Variants in KCNAB1 observed in about 807,000 individuals in gnomAD.
The protein encoded by KCNAB1 is potassium voltage-gated channel subfamily A regulatory beta subunit 1.
KCNAB1 carries 35 observed loss-of-function variants against 64.6 expected under a neutral mutation model. That is an observed-to-expected ratio of 0.54 (90% CI 0.41 to 0.72). The LOEUF (loss-of-function observed/expected upper bound fraction) is 0.72, where lower values mean the gene tolerates loss of function less well. KCNAB1 is among the 30% of genes least tolerant of loss of function. KCNAB1 has a pLI of 0.00. For synonymous variants in KCNAB1, 177 were observed against 183.8 expected, an observed-to-expected ratio of 0.96 and a Z score of 0.30; for missense variants, 401 against 512.9, an observed-to-expected ratio of 0.78 and a Z score of 2.11.
intron 1 of KCNAB1, among the ~76,000 whole-genome samples, chr3:156,153,965 C>A (rs1036016373): frequency 3.3e-5 from 5 of 152,166 alleles, no homozygotes; most frequent in Non-Finnish European, 7.4e-5. Flanking sequence ...ATCCATTTAT[C>A]TATGAATTTA....
intron 1 of KCNAB1, chr3:156,176,247 G>T: frequency 1.2e-6 from 1 of 814,008 alleles, no homozygotes; most frequent in Non-Finnish European, 2.2e-6. Flanking sequence ...AGGTTAGTTT[G>T]TTCTGGCACA....
At chr3:156,187,213 T>A (rs1266638588) in intron 1 of KCNAB1, among the ~76,000 whole-genome samples, 1 of 152,170 alleles carries the variant, frequency 6.6e-6, no homozygotes, top group Non-Finnish European at 1.5e-5. Flanking sequence ...ACCCTCCACC[T>A]TGGTATTTCT....
rs11306363 is a variant in KCNAB1, at chr3:156,182,620, G to GT, written c.275+61743dup. Reference sequence around the variant, plus strand: ...ATTCTACTCCTTCTTTCCAGGGTTGGTTTTTTTTTCCCCCCCCCGGGTCTT... The same window carrying GT: ...ATTCTACTCCTTCTTTCCAGGGTTGGTTTTTTTTTTCCCCCCCCCGGGTCTT... On this transcript the variant is annotated intron_variant, in intron 1 of 13. Transcript: ENST00000490337. Among the ~76,000 whole-genome samples, 257 of 142,768 alleles carry GT rather than the reference G, an allele frequency of 1.8e-3. 1 individual carries two copies. The highest frequency in any genetic ancestry group is 6.5e-3 in the African/African-American group (247 of 38,178). The allele number at this position is 142,768 out of a possible 152,430, so 93.7% of individuals were successfully genotyped here.
At chr3:156,315,287 G>T (rs1180038084) in intron 1 of KCNAB1, among the ~76,000 whole-genome samples, 1 of 148,230 alleles carries the variant, frequency 6.7e-6, no homozygotes, top group Non-Finnish European at 1.5e-5. Context: ...CTATCTGTAA[G>T]CAGGGGTTGG....
chr3:156,186,023 C>T (rs546026881), intron 1 of KCNAB1, among the ~76,000 whole-genome samples: 27 of 152,318 alleles, frequency 1.8e-4, no homozygotes, highest in Middle Eastern at 3.4e-3. Context: ...TCTAAATATT[C>T]TCTTCTCTGC....
chr3:156,219,695 TTTATTATTATTATTA>T (rs139168632), intron 1 of KCNAB1, among the ~76,000 whole-genome samples: 163 of 146,598 alleles, frequency 1.1e-3, no homozygotes, highest in South Asian at 2.0e-3. Context: ...AAGGAATCTT[TTTATTATTATTATTA>T]TTATTATTAT....
At chr3:156,506,482 CTA>C (rs4057047) in intron 8 of KCNAB1, among the ~76,000 whole-genome samples, 36,469 of 152,054 alleles carry the variant, frequency 0.24, 4,832 homozygotes, top group South Asian at 0.35. Flanking sequence ...TTCAAACTGT[CTA>C]GAGTCAGGGA....
chr3:156,440,503 T>C (rs1003851890), intron 2 of KCNAB1, among the ~76,000 whole-genome samples: 1 of 152,240 alleles, frequency 6.6e-6, no homozygotes, highest in Non-Finnish European at 1.5e-5. Flanking sequence ...AATGACTCTG[T>C]AGAATTTGGA....
intron 1 of KCNAB1, among the ~76,000 whole-genome samples, chr3:156,354,969 T>G (rs151037020): frequency 1.1e-3 from 164 of 152,334 alleles, no homozygotes; most frequent in African/African-American, 3.7e-3. Context: ...GTCTACTAGC[T>G]TGGTTATTAT....
Position 156,136,079 on chromosome 3 carries a change from G to A in KCNAB1, c.275+15193G>A, listed in dbSNP as rs996625472. ...CTTGTGAGAAGTCTAAGTCTCCCAC[G>A]TATAACTGTGTGTTCTGTGCACTGC... On this transcript the variant is annotated intron_variant, in intron 1 of 13. Coordinates refer to ENST00000490337, the MANE Select transcript of KCNAB1 (RefSeq NM_172160.3). Among the ~76,000 whole-genome samples the A allele has an allele frequency of 9.9e-5, 15 of 152,132 alleles. No homozygotes were observed. In the East Asian group the frequency reaches 1.7e-3, roughly 18 times the overall value.
intron 1 of KCNAB1, among the ~76,000 whole-genome samples, chr3:156,160,935 G>A (rs1560113845): frequency 6.6e-6 from 1 of 152,232 alleles, no homozygotes; most frequent in African/African-American, 2.4e-5. Flanking sequence ...TGCAGCAGCT[G>A]TAGCTGCTTT....
chr3:156,462,224 T>C (rs1165700193), intron 5 of KCNAB1, among the ~76,000 whole-genome samples: 1 of 152,262 alleles, frequency 6.6e-6, no homozygotes, highest in Non-Finnish European at 1.5e-5. Flanking sequence ...ACTCTTGCTC[T>C]TTGAACATAT....
At chr3:156,448,742 A>G (rs1416276365) in intron 2 of KCNAB1, among the ~76,000 whole-genome samples, 1 of 131,810 alleles carries the variant, frequency 7.6e-6, no homozygotes, top group Non-Finnish European at 1.5e-5. Context: ...CATAATAAAG[A>G]TGTTTGTTTG....
rs1718135828 is a variant in KCNAB1, at chr3:156,256,992, C to G, written c.275+136106C>G. Reference sequence around the variant, plus strand: ...TCTGGTGACCACTCCTTCCAATTGCCCCTTTAGGCTGAGAGGTGGTAACAG... The same window carrying G: ...TCTGGTGACCACTCCTTCCAATTGCGCCTTTAGGCTGAGAGGTGGTAACAG... On this transcript the variant is annotated intron_variant, in intron 1 of 13. Transcript: ENST00000490337. Among the ~76,000 whole-genome samples the G allele has an allele frequency of 2.0e-5, 3 of 152,194 alleles. No individual in the cohort carries two copies. In the South Asian group the frequency reaches 6.2e-4, roughly 32 times the overall value.
intron 2 of KCNAB1, among the ~76,000 whole-genome samples, chr3:156,434,289 T>C (rs74331655): frequency 0.036 from 5,442 of 152,246 alleles, 327 homozygotes; most frequent in African/African-American, 0.13. Context: ...GGGTTGAGAA[T>C]AGAGGTGGGG....
chr3:156,207,442 CCTAGGTTA>C (rs1560136584), intron 1 of KCNAB1, among the ~76,000 whole-genome samples: 2 of 152,276 alleles, frequency 1.3e-5, no homozygotes, highest in East Asian at 3.9e-4. Context: ...TGCAACTCAC[CCTAGGTTA>C]CTGCAGCAAC....
At chr3:156,506,136 C>T (rs372068552) in intron 8 of KCNAB1, among the ~76,000 whole-genome samples, 2 of 152,158 alleles carry the variant, frequency 1.3e-5, no homozygotes, top group African/African-American at 2.4e-5. Context: ...TTGTTGTTAT[C>T]GTATAGAAAT....
chr3:156,334,046 T>C (rs1195657314), intron 1 of KCNAB1, among the ~76,000 whole-genome samples: 1 of 152,200 alleles, frequency 6.6e-6, no homozygotes, highest in Non-Finnish European at 1.5e-5. Flanking sequence ...GTTTTTGGGT[T>C]CGTGTCATGC....
intron 8 of KCNAB1, among the ~76,000 whole-genome samples, chr3:156,493,178 G>A (rs538551484): frequency 1.3e-5 from 2 of 151,878 alleles, no homozygotes; most frequent in East Asian, 3.9e-4. Context: ...ATGCCAACCC[G>A]TCTCTCACCA....
Sources: gnomAD v4.1 joint callset for allele counts (sites outside exome capture counted in the v4.1 genomes callset) on GRCh38, gnomAD v4.1.1 for gene constraint, MANE v1.5 for transcripts, NCBI Gene and HGNC (gene_info 2026-07-23, HGNC 2026-07-21) for gene names.